The following TRABD2B variants were observed in gnomAD, a reference collection of about 807,000 sequenced individuals.
The protein encoded by TRABD2B is metalloprotease TIKI2.
Under a neutral mutation model 40.1 loss-of-function variants are expected in TRABD2B, and 14 were observed. The observed-to-expected ratio is 0.35, with a 90% confidence interval of 0.23 to 0.55. The LOEUF (loss-of-function observed/expected upper bound fraction) is 0.55, where lower values mean the gene tolerates loss of function less well. TRABD2B is among the 20% of genes least tolerant of loss of function. The pLI is 0.90. For synonymous variants in TRABD2B, 263 were observed against 277.0 expected, an observed-to-expected ratio of 0.95 and a Z score of 0.50; for missense variants, 541 against 648.6, an observed-to-expected ratio of 0.83 and a Z score of 1.80.
chr1:47,782,592 C>T (rs1165966926), intron 4 of TRABD2B, among the ~76,000 whole-genome samples: 5 of 152,200 alleles, frequency 3.3e-5, no homozygotes, highest in Non-Finnish European at 2.9e-5. Flanking sequence ...TCCATGATCT[C>T]ATCCTATCCC....
intron 5 of TRABD2B, among the ~76,000 whole-genome samples, chr1:47,776,619 G>T (rs1644450798): frequency 6.6e-6 from 1 of 152,098 alleles, no homozygotes; most frequent in African/African-American, 2.4e-5. Context: ...TCCTCTCCAT[G>T]GCCACAATAG....
chr1:47,925,725 A>G (rs1176486431), intron 2 of TRABD2B, among the ~76,000 whole-genome samples: 2 of 152,238 alleles, frequency 1.3e-5, no homozygotes, highest in African/African-American at 4.8e-5. Context: ...TTCTCTGAGC[A>G]CTTACTACAT....
intron 4 of TRABD2B, 50 bp downstream of exon 4, chr1:47,794,536 C>A (rs1427047311): frequency 6.8e-7 from 1 of 1,470,170 alleles, no homozygotes; most frequent in Non-Finnish European, 9.0e-7. Flanking sequence ...GAGAGCCAAG[C>A]AAATCTCCCA....
chr1:47,770,384 C>T (rs919781934), intron 6 of TRABD2B, among the ~76,000 whole-genome samples: 6 of 152,198 alleles, frequency 3.9e-5, no homozygotes, highest in Admixed American at 6.5e-5. Context: ...GGGCTCCTCC[C>T]GCCTCCACAC....
intron 4 of TRABD2B, among the ~76,000 whole-genome samples, chr1:47,782,899 C>T (rs565246896): frequency 6.6e-6 from 1 of 152,208 alleles, no homozygotes; most frequent in Non-Finnish European, 1.5e-5. Flanking sequence ...CTCCCCAGGT[C>T]TCCTGGCCAC....
chr1:47,822,331 A>T (rs1645122748), intron 2 of TRABD2B, among the ~76,000 whole-genome samples: 1 of 152,186 alleles, frequency 6.6e-6, no homozygotes, highest in Non-Finnish European at 1.5e-5. Flanking sequence ...AAGTCCCAGA[A>T]ATTAGGCCCC....
At chr1:47,983,757 A>AAAG (rs1553172403) in intron 2 of TRABD2B, among the ~76,000 whole-genome samples, 1,051 of 11,024 alleles carry the variant, frequency 0.095, 8 homozygotes, top group African/African-American at 0.25. Context: ...GCAAAAAAAG[A>AAAG]AAAAAAAAAA....
In TRABD2B at chr1:47,813,400, T is replaced by C. The variant is rs1644990261; in HGVS notation, c.667-11781A>G. Among the ~76,000 whole-genome samples, 1 of 152,170 alleles carries C rather than the reference T, an allele frequency of 6.6e-6. No homozygotes were observed. Among genetic ancestry groups the C allele is most frequent in the African/African-American group, 2.4e-5 (1 of 41,446 alleles). The stretch of plus-strand genomic sequence containing the variant: ...TGAGTCTGGGAGTGCTCAATACTGA[T>C]GAGAGAAATTGTAACATGCCTCTCT... On this transcript the variant is annotated intron_variant, in intron 2 of 6. Coordinates refer to ENST00000606738, the MANE Select transcript of TRABD2B (RefSeq NM_001194986.2). This position sits in a 1 kb window ranked among gnomAD's most constrained non-coding sequence, Gnocchi z 4.3.
At chr1:47,948,328 G>A (rs1172852389) in intron 2 of TRABD2B, among the ~76,000 whole-genome samples, 1 of 152,106 alleles carries the variant, frequency 6.6e-6, no homozygotes, top group East Asian at 1.9e-4. Flanking sequence ...TTTGCAAAAG[G>A]TACAAGGAGT....
rs189248027 is a variant in TRABD2B at position 47,894,426 on chromosome 1, T to C, written c.667-92807A>G. On this transcript the variant is annotated intron_variant, in intron 2 of 6. Coordinates refer to ENST00000606738, the MANE Select transcript of TRABD2B (RefSeq NM_001194986.2). ...TAAGTTCTTGTTATTCTTATAGCAG[T>C]GAACACAGAAAAGTCACTAGCCTCA... Among the ~76,000 whole-genome samples the C allele has an allele frequency of 3.9e-5, 6 of 152,262 alleles. No individual in the cohort carries two copies. The East Asian group carries it at 1.2e-3, about 29-fold the overall frequency.
intron 6 of TRABD2B, among the ~76,000 whole-genome samples, chr1:47,768,545 G>C (rs12038866): frequency 0.65 from 98,394 of 152,106 alleles, 32,301 homozygotes; most frequent in East Asian, 0.98. Context: ...CCCCTGGAGG[G>C]CTTCTTTGAT....
At chr1:47,858,645 T>C (rs1643923628) in intron 2 of TRABD2B, among the ~76,000 whole-genome samples, 1 of 152,220 alleles carries the variant, frequency 6.6e-6, no homozygotes, top group African/African-American at 2.4e-5. Context: ...GGGAAGTGAC[T>C]TCCAAGTTTC....
chr1:47,896,306 A>C (rs1445709106), intron 2 of TRABD2B, among the ~76,000 whole-genome samples: 1 of 152,156 alleles, frequency 6.6e-6, no homozygotes, highest in African/African-American at 2.4e-5. Context: ...GTCTCGGGTT[A>C]CAGAGAGAAG....
chr1:47,822,091 G>A (rs764782746), intron 2 of TRABD2B, among the ~76,000 whole-genome samples: 1 of 151,970 alleles, frequency 6.6e-6, no homozygotes, highest in Non-Finnish European at 1.5e-5. Flanking sequence ...ACAAAGGTAC[G>A]TTTCATGTAC....
chr1:47,801,176 G>A (rs563614997), intron 3 of TRABD2B, among the ~76,000 whole-genome samples: 61 of 152,304 alleles, frequency 4.0e-4, no homozygotes, highest in African/African-American at 1.5e-3. Flanking sequence ...CCCAGATGTA[G>A]AACTGAACCT....
At chr1:47,967,331 AAGAAAACAC>A (rs1354361448) in intron 2 of TRABD2B, among the ~76,000 whole-genome samples, 5 of 103,512 alleles carry the variant, frequency 4.8e-5, no homozygotes, top group Non-Finnish European at 9.6e-5. Flanking sequence ...GTGAATAAGC[AAGAAAACAC>A]ACACACACAC....
Position 47,994,237 on chromosome 1 carries a change from C to G in TRABD2B, c.463G>C (p.Ala155Pro). The G allele has an allele frequency of 6.5e-7, 1 of 1,543,040 alleles. No individual in the cohort carries two copies. Among genetic ancestry groups the G allele is most frequent in the Non-Finnish European group, 8.7e-7 (1 of 1,150,024 alleles). ...GGCCTCTTGCGCTCCCAGTTGCCCG[C>G]GATGGCATTGAATAGGTAGTCAGCA... is the stretch of plus-strand genomic sequence containing the variant. The part of the protein sequence containing the change: ...LYADYLFNAI[A>P]GNWERKRPVW... The change falls in exon 2 of 7, where the codon GCG becomes CCG. Residue 155 changes from alanine to proline, a missense_variant. Physicochemically the swap from Ala to Pro is conservative, Grantham distance 27. This residue lies in a region of TRABD2B where 369 missense variants were observed against 492.8 expected (regional missense o/e 0.75). Transcript: ENST00000606738. This position sits in a 1 kb window ranked among gnomAD's most constrained non-coding sequence, Gnocchi z 6.7.
chr1:47,906,171 T>G (rs746850521), intron 2 of TRABD2B, among the ~76,000 whole-genome samples: 3 of 152,270 alleles, frequency 2.0e-5, no homozygotes, highest in Non-Finnish European at 4.4e-5. Context: ...TAAGGCCCCA[T>G]GAAAGAAAAA....
At position 47,994,346 on chromosome 1, in the gene TRABD2B, G is replaced by A. The variant is rs531932913; in HGVS notation, c.354C>T (p.Tyr118=). The A allele has an allele frequency of 6.5e-7, 1 of 1,536,240 alleles. No individual in the cohort carries two copies. Among genetic ancestry groups the A allele is most frequent in the South Asian group, 1.2e-5 (1 of 84,068 alleles). Residue 118 remains tyrosine (Y), a synonymous_variant, in exon 2 of 7, where the codon TAC becomes TAT. Transcript: ENST00000606738. The surrounding 1 kb of genome is among the most constrained non-coding windows in gnomAD (Gnocchi z 6.7). The part of the protein sequence containing the change: ...NLQDVLPHEL[Y]WRLKRHLDYV... ...AGTCCAGGTGGCGCTTCAAGCGCCA[G>A]TAAAGCTCGTGGGGCAGCACGTCCT...
Sources: gnomAD v4.1 joint callset for allele counts (sites outside exome capture counted in the v4.1 genomes callset) on GRCh38, gnomAD v4.1.1 for gene constraint, gnomAD v4.1.1 regional missense constraint, Gnocchi (gnomAD v3.1) non-coding constraint, MANE v1.5 for transcripts, NCBI Gene and HGNC (gene_info 2026-07-23, HGNC 2026-07-21) for gene names.